MARCHF5: variants seen among roughly 807,000 people sequenced by gnomAD.
MARCHF5 encodes E3 ubiquitin-protein ligase MARCHF5.
A neutral mutation model predicts 36.5 loss-of-function variants in MARCHF5; 5 were observed. That is an observed-to-expected ratio of 0.14 (90% CI 0.07 to 0.29). The LOEUF (loss-of-function observed/expected upper bound fraction) is 0.29, where lower values mean the gene tolerates loss of function less well. Among genes scored for constraint, MARCHF5 ranks in the 10% least tolerant of loss-of-function variants. The pLI, the probability that MARCHF5 is intolerant of heterozygous loss-of-function variation, is 1.00. For synonymous variants in MARCHF5, 103 were observed against 109.9 expected (o/e 0.94, Z 0.39); for missense variants, 179 against 336.3 (o/e 0.53, Z 3.66).
At chr10:92,311,419 C>T in intron 2 of MARCHF5, 82 bp downstream of exon 2, 1 of 949,184 alleles carries the variant, frequency 1.1e-6, no homozygotes, top group Non-Finnish European at 1.5e-6. Flanking sequence ...AATGAACCAC[C>T]TCTTTTTTTT....
At chr10:92,327,891 T>C (rs1843386300) in intron 2 of MARCHF5, among the ~76,000 whole-genome samples, 1 of 152,070 alleles carries the variant, frequency 6.6e-6, no homozygotes, top group Non-Finnish European at 1.5e-5. Context: ...AAGTTTACAG[T>C]GGAGAAATGT....
At chr10:92,303,458 G>A (rs1035747758) in intron 1 of MARCHF5, among the ~76,000 whole-genome samples, 3 of 151,532 alleles carry the variant, frequency 2.0e-5, no homozygotes, top group Admixed American at 6.6e-5. Context: ...CTGTTTCTTG[G>A]TCTCTCATCA....
In MARCHF5 at chr10:92,318,479, G is replaced by T. The variant is rs572269347; in HGVS notation, c.238+7142G>T. ...CCCACAACTGTAATCCCAGCATTTT[G>T]GGAGGACAAGGCAGGCAGATTGCTT... On this transcript the variant is annotated intron_variant, in intron 2 of 5. Transcript: ENST00000358935. Among the ~76,000 whole-genome samples, 3 of 151,546 alleles carry T rather than the reference G, an allele frequency of 2.0e-5. No homozygotes were observed. The East Asian group carries it at 5.8e-4, about 30-fold the overall frequency.
intron 2 of MARCHF5, among the ~76,000 whole-genome samples, chr10:92,311,904 G>A (rs1843149368): frequency 6.6e-6 from 1 of 152,172 alleles, no homozygotes. Flanking sequence ...TGGAAAAAAA[G>A]TATAGCAGAC....
intron 2 of MARCHF5, among the ~76,000 whole-genome samples, chr10:92,325,451 G>A (rs1843345027): frequency 6.6e-6 from 1 of 152,164 alleles, no homozygotes; most frequent in Non-Finnish European, 1.5e-5. Flanking sequence ...GCTCTGTTAA[G>A]TGCACATATT....
At chr10:92,348,822 C>T (rs2135222317) in intron 3 of MARCHF5, among the ~76,000 whole-genome samples, 1 of 152,256 alleles carries the variant, frequency 6.6e-6, no homozygotes, top group South Asian at 2.1e-4. Flanking sequence ...AGGGTAGACA[C>T]TTAGCCAGCC....
rs1382673830 is a variant in MARCHF5 at position 92,295,845 on chromosome 10, G to GTA, written c.35+4325_35+4326dup. Among the ~76,000 whole-genome samples, 7 of 150,928 alleles carry GTA rather than the reference G, an allele frequency of 4.6e-5. No individual in the cohort carries two copies. In the South Asian group the frequency reaches 6.4e-4, roughly 14 times the overall value. ...AGGTGGAAAGAATACATATACATAC[G>GTA]TATATATATACATACATACATATAT... is the stretch of plus-strand genomic sequence containing the variant. On this transcript the variant is annotated intron_variant, in intron 1 of 5. Transcript: ENST00000358935.
Position 92,308,647 on chromosome 10 carries a change from T to C in MARCHF5, c.36-2488T>C, listed in dbSNP as rs1198096861. 3.3e-5 allele frequency: 5 copies of C among 152,216 alleles called. No homozygotes were observed. In the East Asian group the frequency reaches 5.8e-4, roughly 18 times the overall value. The allele number at this position is 152,216 out of a possible 1,614,324, so 9.4% of individuals were successfully genotyped here. ...CATTCAGCTATCTTATTTACCATAG[T>C]TGTGAAATTAATTAGAAAAAAAACT... On this transcript the variant is annotated intron_variant, in intron 1 of 5. Coordinates refer to ENST00000358935, the MANE Select transcript of MARCHF5 (RefSeq NM_017824.5).
chr10:92,295,609 C>T (rs2149631), intron 1 of MARCHF5, among the ~76,000 whole-genome samples: 11,526 of 151,210 alleles, frequency 0.076, 601 homozygotes, highest in East Asian at 0.19. Context: ...GGGGTTTCAC[C>T]GTGTTAGCCA....
In MARCHF5 at chr10:92,345,517, C is replaced by A. The variant is rs1223735695; in HGVS notation, c.370-3832C>A. Among the ~76,000 whole-genome samples the A allele has an allele frequency of 1.2e-4, 18 of 152,052 alleles. No individual in the cohort carries two copies. The East Asian group carries it at 3.1e-3, about 26-fold the overall frequency. ...GTCTCTAATTAATTAATGTAGAATT[C>A]TAATAATAATTTAAAAGCTCAGACC... On this transcript the variant is annotated intron_variant, in intron 3 of 5. Transcript: ENST00000358935.
intron 1 of MARCHF5, among the ~76,000 whole-genome samples, chr10:92,301,068 G>A (rs988932341): frequency 1.3e-5 from 2 of 151,898 alleles, no homozygotes; most frequent in African/African-American, 4.8e-5. Context: ...TGTATTTTTA[G>A]TAGAAACAGG....
chr10:92,327,711 G>C (rs138150687), intron 2 of MARCHF5, among the ~76,000 whole-genome samples: 33 of 152,236 alleles, frequency 2.2e-4, no homozygotes, highest in African/African-American at 7.7e-4. Flanking sequence ...TGCTGCCTTA[G>C]CATTGACCAA....
At chr10:92,328,820 TA>T (rs200289297) in intron 2 of MARCHF5, among the ~76,000 whole-genome samples, 2,212 of 66,436 alleles carry the variant, frequency 0.033, 60 homozygotes, top group African/African-American at 0.088. Context: ...TATATATATA[TA>T]TTTTTTTTTT....
chr10:92,328,821 AT>A (rs34713388), intron 2 of MARCHF5, among the ~76,000 whole-genome samples: 217 of 122,418 alleles, frequency 1.8e-3, no homozygotes, highest in African/African-American at 5.9e-3. Context: ...ATATATATAT[AT>A]TTTTTTTTTT....
At chr10:92,292,252 C>T (rs1667636373) in intron 1 of MARCHF5, among the ~76,000 whole-genome samples, 1 of 152,046 alleles carries the variant, frequency 6.6e-6, no homozygotes, top group South Asian at 2.1e-4. Flanking sequence ...TTTGTGAAGT[C>T]GGGTGCACCG....
intron 1 of MARCHF5, among the ~76,000 whole-genome samples, chr10:92,300,570 A>T (rs936167197): frequency 6.6e-6 from 1 of 151,850 alleles, no homozygotes; most frequent in African/African-American, 2.4e-5. Context: ...ACCATTTATT[A>T]TGCTCCCTAT....
At chr10:92,332,955 A>T (rs1027051535) in intron 2 of MARCHF5, among the ~76,000 whole-genome samples, 2 of 151,982 alleles carry the variant, frequency 1.3e-5, no homozygotes, top group African/African-American at 4.8e-5. Flanking sequence ...ACCTGAGGTC[A>T]GGAGTTCGAG....
In MARCHF5 at chr10:92,351,664, AAT is replaced by A. The variant is rs1366431326; in HGVS notation, c.*460_*461del. 6.5e-6 allele frequency: 1 copy of A among 152,716 alleles called. No homozygotes were observed. Among genetic ancestry groups the A allele is most frequent in the African/African-American group, 2.4e-5 (1 of 41,458 alleles). The allele number at this position is 152,716 out of a possible 1,614,324, so 9.5% of individuals were successfully genotyped here. On this transcript the variant is annotated 3_prime_UTR_variant, in exon 6 of 6. Coordinates refer to ENST00000358935, the MANE Select transcript of MARCHF5 (RefSeq NM_017824.5). ...TACATACTAAATAAGAGGATATGTT[AAT>A]ATGAGGAAATGTAAATTAAATTAGT... is the stretch of plus-strand genomic sequence containing the variant.
chr10:92,342,008 C>T (rs1455405663), intron 3 of MARCHF5, among the ~76,000 whole-genome samples: 1 of 151,958 alleles, frequency 6.6e-6, no homozygotes, highest in African/African-American at 2.4e-5. Flanking sequence ...AGGCTGATCT[C>T]AAACTCCTGG....
Sources: gnomAD v4.1 joint callset for allele counts (sites outside exome capture counted in the v4.1 genomes callset) on GRCh38, gnomAD v4.1.1 for gene constraint, MANE v1.5 for transcripts, NCBI Gene and HGNC (gene_info 2026-07-23, HGNC 2026-07-21) for gene names.